ARIH1: variants seen among roughly 807,000 people sequenced by gnomAD.
The protein encoded by ARIH1 is E3 ubiquitin-protein ligase ARIH1.
A neutral mutation model predicts 85.0 loss-of-function variants in ARIH1; 8 were observed. The ratio of observed to expected loss-of-function variants is 0.09; its 90% CI spans 0.06 to 0.17. The LOEUF (loss-of-function observed/expected upper bound fraction) is 0.17. ARIH1 is among the 10% of genes least tolerant of loss of function. The pLI is 1.00. For synonymous variants in ARIH1, 238 were observed against 253.6 expected, an observed-to-expected ratio of 0.94 and a Z score of 0.59; for missense variants, 311 against 718.1, an observed-to-expected ratio of 0.43 and a Z score of 6.48.
chr15:72,542,120 AAAAT>A (rs1342351011), intron 2 of ARIH1, among the ~76,000 whole-genome samples: 23 of 152,344 alleles, frequency 1.5e-4, no homozygotes, highest in African/African-American at 5.5e-4. Flanking sequence ...TTATTACGCA[AAAAT>A]AAATCAACAG....
chr15:72,491,424 C>A (rs1330578649), intron 1 of ARIH1, among the ~76,000 whole-genome samples: 1 of 150,408 alleles, frequency 6.6e-6, no homozygotes, highest in Non-Finnish European at 1.5e-5. Flanking sequence ...AAGCTCTTAT[C>A]TCATTATTTC....
intron 1 of ARIH1, among the ~76,000 whole-genome samples, chr15:72,499,441 TCCTC>T (rs2140400944): frequency 6.6e-6 from 1 of 152,336 alleles, no homozygotes; most frequent in East Asian, 1.9e-4. Context: ...TCCTTTTTCT[TCCTC>T]CATCCTTGAG....
At chr15:72,536,072 A>T (rs1235800059) in intron 2 of ARIH1, among the ~76,000 whole-genome samples, 1 of 152,172 alleles carries the variant, frequency 6.6e-6, no homozygotes, top group African/African-American at 2.4e-5. Flanking sequence ...AAATAGTCAT[A>T]AGCCAGAAGT....
chr15:72,537,032 T>A (rs2140420227), intron 2 of ARIH1, among the ~76,000 whole-genome samples: 1 of 152,288 alleles, frequency 6.6e-6, no homozygotes, highest in African/African-American at 2.4e-5. Context: ...TTTTTAGAGA[T>A]TAGCTTAAGA....
chr15:72,484,662 T>C (rs138390631), intron 1 of ARIH1, among the ~76,000 whole-genome samples: 1,972 of 151,520 alleles, frequency 0.013, 20 homozygotes, highest in Admixed American at 0.018. Flanking sequence ...TATATATATG[T>C]GTGTGTATAC....
At chr15:72,480,264 T>A (rs866318067) in intron 1 of ARIH1, among the ~76,000 whole-genome samples, 2,627 of 125,320 alleles carry the variant, frequency 0.021, 63 homozygotes, top group African/African-American at 0.079. Flanking sequence ...AACCTTCAAA[T>A]TTTTTTTTTT....
intron 3 of ARIH1, among the ~76,000 whole-genome samples, chr15:72,551,983 T>C (rs551060372): frequency 6.6e-4 from 101 of 152,316 alleles, no homozygotes; most frequent in African/African-American, 2.3e-3. Context: ...TATACTACAT[T>C]GTCATGGGCA....
intron 1 of ARIH1, among the ~76,000 whole-genome samples, chr15:72,506,676 T>C (rs1245230709): frequency 6.6e-6 from 1 of 152,116 alleles, no homozygotes; most frequent in East Asian, 1.9e-4. Flanking sequence ...GCTTGTAGAT[T>C]TTATGCAAAC....
chr15:72,549,161 C>A (rs1279866260), intron 3 of ARIH1, among the ~76,000 whole-genome samples: 2 of 150,286 alleles, frequency 1.3e-5, no homozygotes, highest in Non-Finnish European at 3.0e-5. Flanking sequence ...GTTCTCGGCT[C>A]ACTGCAACCT....
chr15:72,474,894 C>CGGCGGTGGT lies in ARIH1; in HGVS notation c.257_258insCGGTGGTGG (p.Gly88_Gly90dup). 4 of 1,397,950 alleles carry CGGCGGTGGT rather than the reference C, an allele frequency of 2.9e-6. No individual in the cohort carries two copies. The highest frequency in any genetic ancestry group is 2.8e-6 in the Non-Finnish European group (3 of 1,068,640). The allele number at this position is 1,397,950 out of a possible 1,614,324, so 86.6% of individuals were successfully genotyped here. A position where few individuals can be genotyped will look rare whatever the true frequency, so the allele number is the denominator to read the frequency against. On this transcript the variant is annotated inframe_insertion, in exon 1 of 14. Coordinates refer to ENST00000379887, the MANE Select transcript of ARIH1 (RefSeq NM_005744.5). Reference sequence around the variant, plus strand: ...GCGGTGGCGGCGGCGGCGGCGGCGGCGGTGGTGGTGGCGGGCCGGGGCATG... The same window carrying CGGCGGTGGT: ...GCGGTGGCGGCGGCGGCGGCGGCGGCGGCGGTGGTGGTGGTGGTGGCGGGCCGGGGCATG...
rs1216625300 is a variant in ARIH1 at position 72,587,832 on chromosome 15, T to C, written c.*4540T>C. 1 of 152,120 alleles carries C rather than the reference T, an allele frequency of 6.6e-6. No homozygotes were observed. The highest frequency in any genetic ancestry group is 6.5e-5 in the Admixed American group (1 of 15,270). 9.4% of individuals were successfully genotyped at this position (152,120 alleles called of 1,614,324 possible). A position where few individuals can be genotyped will look rare whatever the true frequency, so the allele number is the denominator to read the frequency against. On this transcript the variant is annotated 3_prime_UTR_variant, in exon 14 of 14. Transcript: ENST00000379887. The stretch of plus-strand genomic sequence containing the variant: ...GGGGAGTAAACAGACAACTTTTAGG[T>C]TTTTAGTTTTTGCTTTTGTGTGGAG...
chr15:72,542,799 A>G (rs2064113112), intron 2 of ARIH1, among the ~76,000 whole-genome samples: 1 of 152,122 alleles, frequency 6.6e-6, no homozygotes, highest in Non-Finnish European at 1.5e-5. Context: ...GGATGACAGA[A>G]GTTTGTCTTG....
At chr15:72,538,272 A>G (rs1417478401) in intron 2 of ARIH1, among the ~76,000 whole-genome samples, 2 of 152,160 alleles carry the variant, frequency 1.3e-5, no homozygotes, top group African/African-American at 4.8e-5. Flanking sequence ...GCTGAGGCAC[A>G]AGAAATGTTT....
intron 1 of ARIH1, among the ~76,000 whole-genome samples, chr15:72,484,705 G>A (rs1486493927): frequency 3.3e-5 from 5 of 149,822 alleles, no homozygotes; most frequent in East Asian, 2.0e-4. Context: ...GTGTGTATAC[G>A]TATATACGTA....
Position 72,582,396 on chromosome 15 carries a change from A to G in ARIH1, c.1589+209A>G, listed in dbSNP as rs912584865. 2.0e-5 allele frequency among the ~76,000 whole-genome samples: 3 copies of G among 152,122 alleles called. No homozygotes were observed. The highest frequency in any genetic ancestry group is 4.1e-4 in the South Asian group (2 of 4,834). ...GAGAAGGAATTCAGCCATTTATTCT[A>G]TTGGCTAATTCCACTTCTGTTCAGT... is the stretch of plus-strand genomic sequence containing the variant. On this transcript the variant is annotated intron_variant, in intron 13 of 13. Coordinates refer to ENST00000379887, the MANE Select transcript of ARIH1 (RefSeq NM_005744.5). This position sits in a 1 kb window ranked among gnomAD's most constrained non-coding sequence, Gnocchi z 4.6.
chr15:72,540,138 G>A (rs925812876), intron 2 of ARIH1, among the ~76,000 whole-genome samples: 1 of 151,452 alleles, frequency 6.6e-6, no homozygotes, highest in Admixed American at 6.6e-5. Context: ...GGCGCCTGTA[G>A]TCCCAGGTAC....
intron 11 of ARIH1, chr15:72,572,523 AT>A (rs1384486364): frequency 1.2e-5 from 2 of 166,038 alleles, no homozygotes; most frequent in Non-Finnish European, 2.6e-5. Flanking sequence ...CCAGGGAATA[AT>A]TGAGTAGAAC....
rs1373016658 is a variant in ARIH1, at chr15:72,588,976, C to A, written c.*5684C>A. On this transcript the variant is annotated 3_prime_UTR_variant, in exon 14 of 14. Coordinates refer to ENST00000379887, the MANE Select transcript of ARIH1 (RefSeq NM_005744.5). Reference sequence around the variant, plus strand: ...TTAAGAGTTTACAAGTTTCTCATGTCTATCATTCTTTTGATAATCTTGTAT... The same window carrying A: ...TTAAGAGTTTACAAGTTTCTCATGTATATCATTCTTTTGATAATCTTGTAT... 1 of 152,156 alleles carries A rather than the reference C, an allele frequency of 6.6e-6. No homozygotes were observed. Among genetic ancestry groups the A allele is most frequent in the African/African-American group, 2.4e-5 (1 of 41,414 alleles). The allele number at this position is 152,156 out of a possible 1,614,324, so 9.4% of individuals were successfully genotyped here.
chr15:72,547,708 C>T (rs1229284444), intron 3 of ARIH1, among the ~76,000 whole-genome samples: 1 of 152,184 alleles, frequency 6.6e-6, no homozygotes, highest in African/African-American at 2.4e-5. Flanking sequence ...AACAGATTCT[C>T]CTTGCCAGTT....
Sources: allele counts gnomAD v4.1 joint callset (sites outside exome capture counted in the v4.1 genomes callset), GRCh38; gene constraint gnomAD v4.1.1; non-coding constraint Gnocchi (gnomAD v3.1); transcripts MANE v1.5; gene names NCBI Gene and HGNC (gene_info 2026-07-23, HGNC 2026-07-21).